The following HEPH variants were observed in gnomAD, a reference collection of about 807,000 sequenced individuals.
HEPH encodes the protein hephaestin.
HEPH carries 69 observed loss-of-function variants against 80.8 expected under a neutral mutation model. The observed-to-expected ratio is 0.85, with a 90% CI of 0.70 to 1.04. HEPH has a LOEUF of 1.04. Among genes scored for constraint, HEPH ranks in the 50% least tolerant of loss-of-function variants. The probability of loss-of-function intolerance (pLI) is 0.00; values close to 1 mark genes in which losing one functional copy is unlikely to be tolerated. For missense variants in HEPH, 1,115 were observed against 891.3 expected, an observed-to-expected ratio of 1.25 and a Z score of -3.20; for synonymous variants, 431 against 322.8, an observed-to-expected ratio of 1.34 and a Z score of -3.60.
At chrX:66,259,890 T>G (rs1201244648) in intron 18 of HEPH, among the ~76,000 whole-genome samples, 1 of 108,856 alleles carries the variant, frequency 9.2e-6, no homozygotes, top group Non-Finnish European at 1.9e-5. Context: ...TTTATTTTTT[T>G]TATTTTTTAT....
In HEPH at chrX:66,267,341, T is replaced by G. The variant is rs2148272251; in HGVS notation, c.*669T>G. 1 of 112,333 alleles carries G rather than the reference T, an allele frequency of 8.9e-6. No individual in the cohort carries two copies. The highest frequency in any genetic ancestry group is 3.7e-4 in the South Asian group (1 of 2,672). 9.3% of individuals were successfully genotyped at this position (112,333 alleles called of 1,213,427 possible). On this transcript the variant is annotated 3_prime_UTR_variant, in exon 21 of 21. Transcript: ENST00000343002. ...AGGAATGTTGAGTTACCTCTTCATGTTTTAGACAGCAAACCCTATCCATTA... is the reference window on the plus strand; with the variant it reads ...AGGAATGTTGAGTTACCTCTTCATGGTTTAGACAGCAAACCCTATCCATTA...
intron 15 of HEPH, among the ~76,000 whole-genome samples, chrX:66,250,632 T>C (rs1172830661): frequency 1.8e-5 from 2 of 111,695 alleles, no homozygotes; most frequent in African/African-American, 6.5e-5. Context: ...TACATATAAA[T>C]GGAATATATT....
chrX:66,217,942 G>A (rs973336343), intron 15 of HEPH, among the ~76,000 whole-genome samples: 3 of 111,193 alleles, frequency 2.7e-5, no homozygotes, highest in African/African-American at 9.8e-5. Flanking sequence ...AAGGCAAAGA[G>A]GAACAGACAT....
chrX:66,220,425 C>T (rs2089594609), intron 15 of HEPH, among the ~76,000 whole-genome samples: 1 of 111,162 alleles, frequency 9.0e-6, no homozygotes, highest in Admixed American at 9.5e-5. Context: ...CCCCTTTTTT[C>T]CAGCAAGGAT....
At chrX:66,239,115 T>C (rs1014839264) in intron 15 of HEPH, among the ~76,000 whole-genome samples, 2 of 112,097 alleles carry the variant, frequency 1.8e-5, no homozygotes, top group East Asian at 2.8e-4. Flanking sequence ...TTATGGCCAG[T>C]TTTGGGGCCA....
At position 66,215,072 on chromosome X, in the gene HEPH, T is replaced by C. The variant is rs2089328528; in HGVS notation, c.2563+6826T>C. Among the ~76,000 whole-genome samples, 3 of 111,668 alleles carry C rather than the reference T, an allele frequency of 2.7e-5. No homozygotes were observed. In the Admixed American group the frequency reaches 2.9e-4, roughly 11 times the overall value. On this transcript the variant is annotated intron_variant, in intron 15 of 20. Coordinates refer to ENST00000343002, the MANE Select transcript of HEPH (RefSeq NM_001367233.3). Reference sequence around the variant, plus strand: ...ATTAATTTGGAGAGAATTTACATCTTTATATTATTTGTTGGAATGGATTTC... The same window carrying C: ...ATTAATTTGGAGAGAATTTACATCTCTATATTATTTGTTGGAATGGATTTC...
rs757633798 is a variant in HEPH, at chrX:66,256,131, C to G, written c.2697C>G (p.Pro899=). The G allele has an allele frequency of 3.3e-6, 4 of 1,210,559 alleles. No individual in the cohort carries two copies. The South Asian group carries it at 5.3e-5, about 16-fold the overall frequency. ...ACATGTATAGTGGCCTGGTGGGGCC[C>G]TTGGCTATCTGCCAAAAGGGCATCC... The part of the protein sequence containing the change: ...IKDMYSGLVG[P]LAICQKGILE... Residue 899 remains proline, a synonymous_variant, in exon 17 of 21, where the codon CCC becomes CCG. Coordinates refer to ENST00000343002, the MANE Select transcript of HEPH (RefSeq NM_001367233.3).
intron 4 of HEPH, among the ~76,000 whole-genome samples, chrX:66,175,702 C>A (rs1264479915): frequency 9.0e-6 from 1 of 110,776 alleles, no homozygotes; most frequent in Non-Finnish European, 1.9e-5. Context: ...TTTTGTAGTT[C>A]TCCTTGTAGA....
At chrX:66,162,884 T>C (rs770974708), upstream of HEPH, 12 of 1,149,677 alleles carry the variant, frequency 1.0e-5, no homozygotes, top group African/African-American at 2.0e-4. Context: ...AAAGTAAGAA[T>C]ATCAGGTGGT....
At chrX:66,240,682 G>A (rs2090537470) in intron 15 of HEPH, among the ~76,000 whole-genome samples, 3 of 111,545 alleles carry the variant, frequency 2.7e-5, no homozygotes, top group Middle Eastern at 9.3e-3. Context: ...AGAAGTTAAT[G>A]TTACAAAAAT....
At chrX:66,210,732 T>G (rs1485845989) in intron 15 of HEPH, among the ~76,000 whole-genome samples, 1 of 110,630 alleles carries the variant, frequency 9.0e-6, no homozygotes, top group Admixed American at 9.7e-5. Context: ...CTAGATAAAT[T>G]TGAGAGATGT....
rs1377096628 is a variant in HEPH, at chrX:66,213,289, G to T, written c.2563+5043G>T. Among the ~76,000 whole-genome samples, 11 of 109,595 alleles carry T rather than the reference G, an allele frequency of 1.0e-4. No homozygotes were observed. The East Asian group carries it at 1.1e-3, about 11-fold the overall frequency. On this transcript the variant is annotated intron_variant, in intron 15 of 20. Transcript: ENST00000343002. ...TATGAGTGAGAATATGCGGTGTTTG[G>T]TTTTTTGTTCTTGTGATAGTTTACT...
At chrX:66,240,492 A>T (rs904061088) in intron 15 of HEPH, among the ~76,000 whole-genome samples, 2 of 103,786 alleles carry the variant, frequency 1.9e-5, no homozygotes, top group African/African-American at 7.5e-5. Flanking sequence ...GACTCAAAAA[A>T]CTCAAAGCAC....
At chrX:66,235,755 G>A (rs1407380401) in intron 15 of HEPH, among the ~76,000 whole-genome samples, 1 of 111,820 alleles carries the variant, frequency 8.9e-6, no homozygotes, top group East Asian at 2.8e-4. Flanking sequence ...TAGTTTGATA[G>A]GAATAGCATT....
intron 15 of HEPH, among the ~76,000 whole-genome samples, chrX:66,232,173 C>T (rs867167085): frequency 1.1e-4 from 12 of 110,557 alleles, no homozygotes; most frequent in Middle Eastern, 4.7e-3. Flanking sequence ...TGCTGGATTC[C>T]GTTTGCCAGT....
intron 15 of HEPH, among the ~76,000 whole-genome samples, chrX:66,224,660 G>T (rs928296104): frequency 1.1e-4 from 12 of 112,152 alleles, no homozygotes; most frequent in African/African-American, 3.6e-4. Context: ...TGATAGGAAG[G>T]CTTCAGTGCT....
intron 15 of HEPH, among the ~76,000 whole-genome samples, chrX:66,222,671 G>A (rs1490617622): frequency 1.8e-5 from 2 of 111,593 alleles, no homozygotes; most frequent in Admixed American, 9.5e-5. Flanking sequence ...AAGACTCCTG[G>A]TTGACATTGG....
Position 66,266,544 on chromosome X carries a change from G to T in HEPH, c.3349G>T (p.Val1117Phe). The T allele has an allele frequency of 8.3e-7, 1 of 1,209,537 alleles. No individual in the cohort carries two copies. The highest frequency in any genetic ancestry group is 1.1e-6 in the Non-Finnish European group (1 of 894,235). Residue 1117 changes from valine to phenylalanine, a missense_variant, in exon 21 of 21, where the codon GTC (valine) becomes TTC (phenylalanine). Val to Phe is a conservative substitution (Grantham distance 50). Transcript: ENST00000343002. ...GGCCTCTGTTTTGGTTGCCATTAGT[G>T]TCACCCTTCTGCTCGTTGTTCTGGC... The part of the protein sequence containing the change: ...MLASVLVAIS[V>F]TLLLVVLALG...
intron 9 of HEPH, among the ~76,000 whole-genome samples, chrX:66,195,476 C>T (rs2088037683): frequency 9.0e-6 from 1 of 110,993 alleles, no homozygotes; most frequent in South Asian, 3.7e-4. Context: ...CTCTGAAAAG[C>T]AGACAATTAC....
Sources: gnomAD v4.1 joint callset for allele counts (sites outside exome capture counted in the v4.1 genomes callset) on GRCh38, gnomAD v4.1.1 for gene constraint, MANE v1.5 for transcripts, NCBI Gene and HGNC (gene_info 2026-07-23, HGNC 2026-07-21) for gene names.